The following MYO18B variants were observed in gnomAD, a reference collection of about 807,000 sequenced individuals.
The protein encoded by MYO18B is unconventional myosin-XVIIIb.
MYO18B carries 204 observed loss-of-function variants against 273.0 expected under a neutral mutation model. The observed-to-expected ratio is 0.75, with a 90% CI of 0.67 to 0.84. The LOEUF (loss-of-function observed/expected upper bound fraction) is 0.84, where lower values mean the gene tolerates loss of function less well. Ranked by LOEUF, MYO18B falls within the 40% of genes least tolerant of loss-of-function variation. The pLI is 0.00. For missense variants in MYO18B, 3,212 were observed against 3,287.6 expected (o/e 0.98, Z 0.56); for synonymous variants, 1,330 against 1,305.7 (o/e 1.02, Z -0.40).
the MYO18B span, among the ~76,000 whole-genome samples, chr22:26,052,491 A>G: frequency 1.3e-5 from 2 of 152,282 alleles, no homozygotes; most frequent in African/African-American, 4.8e-5. Context: ...TTCCCCTACT[A>G]AGGAAAATGT....
chr22:25,763,074 G>T (rs1239353793), intron 2 of MYO18B, 157 bp from the exon 3 acceptor site: 1 of 848,538 alleles, frequency 1.2e-6, no homozygotes, highest in Non-Finnish European at 2.1e-6. Context: ...CCTGAGTCGT[G>T]CTGGGCCTCA....
At position 25,903,639 on chromosome 22, in the gene MYO18B, GC is replaced by G; in HGVS notation, c.4957del (p.Gln1653ArgfsTer6). The G allele has an allele frequency of 6.2e-7, 1 of 1,604,404 alleles. No individual in the cohort carries two copies. The highest frequency in any genetic ancestry group is 8.5e-7 in the Non-Finnish European group (1 of 1,175,340). ...CCTCTTTGTCTCTGTAGCAAAAGGA[GC>G]AGGAAGCCTCACAGCTGAAGCAGCA... is the stretch of plus-strand genomic sequence containing the variant. ...QLQQQLKQKE[Q>X]EASQLKQQVE... On this transcript the variant is annotated frameshift_variant, in exon 31 of 44. Transcript: ENST00000335473. LOFTEE classifies it high-confidence loss of function.
intron 34 of MYO18B, among the ~76,000 whole-genome samples, chr22:25,933,959 C>T (rs897576044): frequency 8.5e-5 from 13 of 152,172 alleles, no homozygotes; most frequent in African/African-American, 1.9e-4. Context: ...ATCAACAGAA[C>T]ATGAAAGTCC....
At chr22:25,819,498 C>T (rs1054980618) in intron 12 of MYO18B, among the ~76,000 whole-genome samples, 2 of 151,996 alleles carry the variant, frequency 1.3e-5, no homozygotes, top group Non-Finnish European at 2.9e-5. Flanking sequence ...TGCTAATAGC[C>T]TTTAATGCCT....
intron 34 of MYO18B, among the ~76,000 whole-genome samples, chr22:25,929,922 C>A (rs552015818): frequency 4.5e-4 from 68 of 152,204 alleles, no homozygotes; most frequent in African/African-American, 1.5e-3. Context: ...GTTCAAGATC[C>A]ATTGGTAGTT....
chr22:25,810,000 A>ATTT (rs1569051585), intron 12 of MYO18B, among the ~76,000 whole-genome samples: 7 of 147,792 alleles, frequency 4.7e-5, no homozygotes, highest in Admixed American at 2.0e-4. Context: ...AGAAAGTTTA[A>ATTT]AAAAAAAAAA....
chr22:25,932,910 G>A (rs538435889), intron 34 of MYO18B, among the ~76,000 whole-genome samples: 1 of 151,948 alleles, frequency 6.6e-6, no homozygotes, highest in African/African-American at 2.4e-5. Flanking sequence ...CTCTTGACCT[G>A]CCAAGCCTAA....
intron 11 of MYO18B, among the ~76,000 whole-genome samples, chr22:25,794,270 G>T (rs1476774022): frequency 6.6e-6 from 1 of 150,926 alleles, no homozygotes; most frequent in Non-Finnish European, 1.5e-5. Flanking sequence ...GCAGTGGTGT[G>T]ATCGTGGTTC....
At chr22:25,943,448 C>T (rs1337498067) in intron 34 of MYO18B, among the ~76,000 whole-genome samples, 1 of 152,160 alleles carries the variant, frequency 6.6e-6, no homozygotes, top group Non-Finnish European at 1.5e-5. Context: ...TAGAAACCAT[C>T]CATGGCTTCC....
chr22:25,808,143 G>A (rs1240303494), intron 12 of MYO18B, among the ~76,000 whole-genome samples: 18 of 152,102 alleles, frequency 1.2e-4, no homozygotes, highest in Non-Finnish European at 8.8e-5. Flanking sequence ...CTACAGAAGA[G>A]TAAATCAAGG....
chr22:25,901,811 T>G (rs915273052), intron 29 of MYO18B, among the ~76,000 whole-genome samples: 9 of 125,320 alleles, frequency 7.2e-5, no homozygotes, highest in African/African-American at 3.4e-4. Context: ...GGTTGGTTTT[T>G]TTTTTTTTTT....
intron 39 of MYO18B, among the ~76,000 whole-genome samples, chr22:25,957,602 A>C (rs2092868537): frequency 6.6e-6 from 1 of 152,162 alleles, no homozygotes; most frequent in African/African-American, 2.4e-5. Flanking sequence ...ACAGAAATTC[A>C]TTCTCTCATA....
At chr22:25,759,966 A>C (rs2086250120) in intron 1 of MYO18B, among the ~76,000 whole-genome samples, 2 of 152,160 alleles carry the variant, frequency 1.3e-5, no homozygotes. Flanking sequence ...AAGTTATCAA[A>C]ATTTTCTAAG....
At chr22:25,824,340 C>T (rs1245406344) in intron 13 of MYO18B, among the ~76,000 whole-genome samples, 2 of 152,106 alleles carry the variant, frequency 1.3e-5, no homozygotes, top group East Asian at 3.9e-4. Context: ...GGCTAGTTTA[C>T]AAGCTGAGGT....
chr22:25,947,749 C>G lies in MYO18B; in HGVS notation c.5669C>G (p.Ala1890Gly), dbSNP rs779733275. ...EQLYRLQFEK[A>G]DLLKRIDEDQ... ...CTGTACAGGCTGCAGTTTGAGAAGG[C>G]GGACCTCCTGAAGCGCATCGATGAG... Residue 1890 changes from alanine to glycine, a missense_variant, in exon 36 of 44, where the codon GCG becomes GGG. By Grantham distance (60) the Ala-to-Gly change is moderately conservative. Transcript: ENST00000335473. The G allele has an allele frequency of 3.7e-5, 59 of 1,613,544 alleles. 1 individual carries two copies. The South Asian group carries it at 6.3e-4, about 17-fold the overall frequency.
chr22:26,034,445 G>A (rs1260782615), downstream of MYO18B, among the ~76,000 whole-genome samples: 1 of 152,222 alleles, frequency 6.6e-6, no homozygotes, highest in African/African-American at 2.4e-5. Flanking sequence ...ACTAGTACCA[G>A]CTTCCCAGCA....
Position 25,955,290 on chromosome 22 carries a change from CTGGAAGAGCTGAAGGCCGACA to C in MYO18B, c.6094_6114del (p.Lys2032_Leu2038del). 6.2e-7 allele frequency: 1 copy of C among 1,613,780 alleles called. No homozygotes were observed. The highest frequency in any genetic ancestry group is 8.5e-7 in the Non-Finnish European group (1 of 1,179,822). On this transcript the variant is annotated inframe_deletion, in exon 39 of 44. Coordinates refer to ENST00000335473, the MANE Select transcript of MYO18B (RefSeq NM_032608.7). ...GAGCAGCCAGTACTACCAGCGGCGCCTGGAAGAGCTGAAGGCCGACATGGAAGAGCTGGTGCAGCGGGAGGC... is the reference window on the plus strand; with the variant it reads ...GAGCAGCCAGTACTACCAGCGGCGCCTGGAAGAGCTGGTGCAGCGGGAGGC...
At chr22:26,019,954 A>C (rs1935677532) in intron 42 of MYO18B, among the ~76,000 whole-genome samples, 1 of 152,194 alleles carries the variant, frequency 6.6e-6, no homozygotes, top group Non-Finnish European at 1.5e-5. Flanking sequence ...ATCTTGAAAA[A>C]TATGTATGTG....
intron 34 of MYO18B, among the ~76,000 whole-genome samples, chr22:25,937,582 A>ATCCTTT (rs1569211217): frequency 1.4e-5 from 2 of 144,298 alleles, no homozygotes. Context: ...CTGGCCTGAC[A>ATCCTTT]TTCTTTTTTT....
Sources: gnomAD v4.1 joint callset for allele counts (sites outside exome capture counted in the v4.1 genomes callset) on GRCh38, gnomAD v4.1.1 for gene constraint, MANE v1.5 for transcripts, NCBI Gene and HGNC (gene_info 2026-07-23, HGNC 2026-07-21) for gene names.